POLA2: variants seen among roughly 807,000 people sequenced by gnomAD.
POLA2 encodes the protein DNA polymerase alpha subunit B.
Under a neutral mutation model 82.8 loss-of-function variants are expected in POLA2, and 47 were observed. That is an observed-to-expected ratio of 0.57 (90% CI 0.45 to 0.72). The LOEUF is 0.72. POLA2 is among the 30% of genes least tolerant of loss of function. The pLI is 0.00. For synonymous variants in POLA2, 287 were observed against 286.8 expected (o/e 1.00, Z -0.01); for missense variants, 634 against 728.1 (o/e 0.87, Z 1.49).
At chr11:65,269,935 A>G (rs1053497017) in intron 4 of POLA2, among the ~76,000 whole-genome samples, 1 of 152,192 alleles carries the variant, frequency 6.6e-6, no homozygotes, top group African/African-American at 2.4e-5. Flanking sequence ...CCCGGGTTCA[A>G]GCAATTCTGC....
In POLA2 at chr11:65,262,172, C is replaced by CG; in HGVS notation, c.-119dup. The CG allele has an allele frequency of 1.4e-6, 1 of 732,978 alleles. No homozygotes were observed. Among genetic ancestry groups the CG allele is most frequent in the Non-Finnish European group, 2.4e-6 (1 of 422,150 alleles). 45.4% of individuals were successfully genotyped at this position (732,978 alleles called of 1,614,324 possible). On this transcript the variant is annotated 5_prime_UTR_variant, in exon 1 of 18. Coordinates refer to ENST00000265465, the MANE Select transcript of POLA2 (RefSeq NM_002689.4). Reference sequence around the variant, plus strand: ...TGCTTGGGCCAGTCACCTCCTGTCACGGTCCGCGGAGGGGGGAAGGATAAG... The same window carrying CG: ...TGCTTGGGCCAGTCACCTCCTGTCACGGGTCCGCGGAGGGGGGAAGGATAAG...
Position 65,267,635 on chromosome 11 carries a change from G to C in POLA2, c.296+67G>C. On this transcript the variant is annotated intron_variant, in intron 3 of 17. Coordinates refer to ENST00000265465, the MANE Select transcript of POLA2 (RefSeq NM_002689.4). ...TGTATTTTATAATTTGTCTGTAGTC[G>C]CATGTGTAATTTAAAAACAAATAAT... 3.8e-6 allele frequency: 4 copies of C among 1,065,076 alleles called. No individual in the cohort carries two copies. In the South Asian group the frequency reaches 5.6e-5, roughly 15 times the overall value. The allele number at this position is 1,065,076 out of a possible 1,614,324, so 66.0% of individuals were successfully genotyped here. A position where few individuals can be genotyped will look rare whatever the true frequency, so the allele number is the denominator to read the frequency against.
At position 65,281,663 on chromosome 11, in the gene POLA2, C is replaced by A; in HGVS notation, c.901-7C>A. The stretch of plus-strand genomic sequence containing the variant: ...GCTTAGCAATCCTGTTTGTTTTTGT[C>A]TTTCAGGTTGTAATTATGGAAGGAA... On this transcript the variant is annotated splice_region_variant and splice_polypyrimidine_tract_variant and intron_variant, in intron 8 of 17. Coordinates refer to ENST00000265465, the MANE Select transcript of POLA2 (RefSeq NM_002689.4). The A allele has an allele frequency of 6.2e-7, 1 of 1,610,642 alleles. No homozygotes were observed. The highest frequency in any genetic ancestry group is 1.3e-5 in the African/African-American group (1 of 74,982).
intron 13 of POLA2, among the ~76,000 whole-genome samples, chr11:65,292,384 G>C (rs1002237862): frequency 2.6e-5 from 4 of 152,218 alleles, no homozygotes; most frequent in Admixed American, 2.0e-4. Flanking sequence ...ATGTTTTTCT[G>C]ATCCCTCCTT....
At chr11:65,284,355 C>T (rs963654002) in intron 10 of POLA2, among the ~76,000 whole-genome samples, 1 of 151,788 alleles carries the variant, frequency 6.6e-6, no homozygotes, top group African/African-American at 2.4e-5. Flanking sequence ...TTGTGCACAC[C>T]TGTATAGTCC....
At chr11:65,300,434 T>C (rs1949853582), downstream of POLA2, among the ~76,000 whole-genome samples, 1 of 149,550 alleles carries the variant, frequency 6.7e-6, no homozygotes, top group Non-Finnish European at 1.5e-5. Flanking sequence ...GACCTCAGGG[T>C]TCAGCCTCCT....
In POLA2 at chr11:65,279,553, T is replaced by C; in HGVS notation, c.671T>C (p.Ile224Thr). The C allele has an allele frequency of 4.3e-6, 7 of 1,612,442 alleles. No individual in the cohort carries two copies. Among genetic ancestry groups the C allele is most frequent in the Non-Finnish European group, 5.9e-6 (7 of 1,178,720 alleles). Residue 224 changes from isoleucine (I) to threonine (T), a missense_variant, in exon 7 of 18, where the codon ATA becomes ACA. Coordinates refer to ENST00000265465, the MANE Select transcript of POLA2 (RefSeq NM_002689.4). ...PDIREVLTCK[I>T]EELGSELKEH... ...GGGATTGTAGTTCTGACCTGTAAGA[T>C]AGAAGAACTTGGCAGCGAACTCAAG...
chr11:65,295,353 C>T (rs1949798798), intron 15 of POLA2, among the ~76,000 whole-genome samples, 187 bp from the exon 16 acceptor site: 1 of 152,172 alleles, frequency 6.6e-6, no homozygotes, highest in Admixed American at 6.6e-5. Context: ...TCCTGCGTCC[C>T]TCCTCATGTG....
exon 9 of POLA2, chr11:65,305,548 C>T (rs1485878676): frequency 1.3e-5 from 5 of 373,888 alleles, no homozygotes; most frequent in Non-Finnish European, 2.6e-5. Context: ...GTGGTGCGTG[C>T]CTGTAGTCCC....
At chr11:65,290,224 G>T (rs1949740073) in intron 13 of POLA2, among the ~76,000 whole-genome samples, 1 of 139,864 alleles carries the variant, frequency 7.1e-6, no homozygotes, top group South Asian at 2.2e-4. Context: ...CTCCAGCCTA[G>T]GCAAAAAGAG....
chr11:65,272,403 C>T lies in POLA2; in HGVS notation c.355-3489C>T, dbSNP rs111974153. On this transcript the variant is annotated intron_variant, in intron 4 of 17. Coordinates refer to ENST00000265465, the MANE Select transcript of POLA2 (RefSeq NM_002689.4). ...TGTCAGGTCTTGGGAACAGGTGTCCCTCTGCTATAGAGGTAAATATGATAT... is the reference window on the plus strand; with the variant it reads ...TGTCAGGTCTTGGGAACAGGTGTCCTTCTGCTATAGAGGTAAATATGATAT... Among the ~76,000 whole-genome samples the T allele has an allele frequency of 9.1e-3, 1,380 of 152,230 alleles. 8 individuals carry two copies. Among genetic ancestry groups the T allele is most frequent in the Non-Finnish European group, 0.015 (1,042 of 68,018 alleles).
intron 13 of POLA2, among the ~76,000 whole-genome samples, chr11:65,292,132 G>C (rs574252665): frequency 7.9e-5 from 12 of 152,266 alleles, no homozygotes; most frequent in African/African-American, 2.9e-4. Flanking sequence ...TCAGCTACTC[G>C]GGAGGCTGAG....
chr11:65,294,018 C>T lies in POLA2; in HGVS notation c.1245-135C>T, dbSNP rs530065222. On this transcript the variant is annotated intron_variant, in intron 13 of 17. Transcript: ENST00000265465. The stretch of plus-strand genomic sequence containing the variant: ...TGGGAAACAGCGTCTCTGTTCATAA[C>T]AGAGTGCAGTTCTGAGCTGCCTCCC... 72 of 768,394 alleles carry T rather than the reference C, an allele frequency of 9.4e-5. No individual in the cohort carries two copies. In the African/African-American group the frequency reaches 1.1e-3, roughly 12 times the overall value. 47.6% of individuals were successfully genotyped at this position (768,394 alleles called of 1,614,324 possible). A position where few individuals can be genotyped will look rare whatever the true frequency, so the allele number is the denominator to read the frequency against.
At chr11:65,264,612 A>G (rs1416200770) in intron 1 of POLA2, among the ~76,000 whole-genome samples, 1 of 152,192 alleles carries the variant, frequency 6.6e-6, no homozygotes, top group Admixed American at 6.5e-5. Flanking sequence ...AAAATGTAGA[A>G]GCATTAGAAA....
At chr11:65,305,397 A>G (rs918999424) in exon 9 of POLA2, 10 of 456,138 alleles carry the variant, frequency 2.2e-5, no homozygotes, top group African/African-American at 1.8e-4. Flanking sequence ...ATGGACAAAA[A>G]TCAAAATAGG....
chr11:65,262,328 G>A lies in POLA2; in HGVS notation c.36G>A (p.Leu12=). 1 of 1,613,898 alleles carries A rather than the reference G, an allele frequency of 6.2e-7. No individual in the cohort carries two copies. The highest frequency in any genetic ancestry group is 1.7e-5 in the Admixed American group (1 of 60,016). The change falls in exon 1 of 18, where the codon CTG becomes CTA. Residue 12 remains leucine (L), a synonymous_variant. Coordinates refer to ENST00000265465, the MANE Select transcript of POLA2 (RefSeq NM_002689.4). ...CCGCCCAGCAGCTGGCGGAGGAGCTGCAGATCTTCGGCCTAGACTGCGAGG... is the reference window on the plus strand; with the variant it reads ...CCGCCCAGCAGCTGGCGGAGGAGCTACAGATCTTCGGCCTAGACTGCGAGG... The part of the protein sequence containing the change: ...SASAQQLAEE[L]QIFGLDCEEA...
At chr11:65,276,879 C>T (rs1297772707) in intron 5 of POLA2, among the ~76,000 whole-genome samples, 1 of 151,138 alleles carries the variant, frequency 6.6e-6, no homozygotes, top group Non-Finnish European at 1.5e-5. Flanking sequence ...GAAGCCTCTG[C>T]CTCCCGGTTC....
chr11:65,288,593 C>T (rs1949722925), intron 11 of POLA2, among the ~76,000 whole-genome samples: 1 of 148,048 alleles, frequency 6.8e-6, no homozygotes, highest in African/African-American at 2.5e-5. Context: ...CTCACTATAG[C>T]CTCCACCTCC....
At chr11:65,290,074 C>A (rs1424358339) in intron 13 of POLA2, among the ~76,000 whole-genome samples, 2 of 151,814 alleles carry the variant, frequency 1.3e-5, no homozygotes, top group East Asian at 3.9e-4. Flanking sequence ...TATGGTAAAA[C>A]TCTGTCTGTA....
Sources: allele counts gnomAD v4.1 joint callset (sites outside exome capture counted in the v4.1 genomes callset), GRCh38; gene constraint gnomAD v4.1.1; transcripts MANE v1.5; gene names NCBI Gene and HGNC (gene_info 2026-07-23, HGNC 2026-07-21).